The following CRYBG1 variants were observed in gnomAD, a reference collection of about 807,000 sequenced individuals.
The protein encoded by CRYBG1 is crystallin beta-gamma domain containing 1.
Under a neutral mutation model 189.2 loss-of-function variants are expected in CRYBG1, and 139 were observed. The ratio of observed to expected loss-of-function variants is 0.73; its 90% CI spans 0.64 to 0.85. The LOEUF is 0.85. Among genes scored for constraint, CRYBG1 ranks in the 40% least tolerant of loss-of-function variants. The probability of loss-of-function intolerance (pLI) is 0.00; values close to 1 mark genes in which losing one functional copy is unlikely to be tolerated. For missense variants in CRYBG1, 2,611 were observed against 2,675.8 expected, an observed-to-expected ratio of 0.98 and a Z score of 0.53; for synonymous variants, 1,023 against 1,017.1, an observed-to-expected ratio of 1.01 and a Z score of -0.11.
At chr6:106,413,950 A>G (rs1770977264) in intron 1 of CRYBG1, among the ~76,000 whole-genome samples, 1 of 152,210 alleles carries the variant, frequency 6.6e-6, no homozygotes, top group Non-Finnish European at 1.5e-5. Context: ...TCTCTGTCAT[A>G]TTACATTAAT....
rs1774973130 is a variant in CRYBG1, at chr6:106,568,789, T to G, written c.*223T>G. The G allele has an allele frequency of 2.3e-6, 1 of 438,058 alleles. No individual in the cohort carries two copies. The highest frequency in any genetic ancestry group is 2.0e-5 in the African/African-American group (1 of 51,048). 27.1% of individuals were successfully genotyped at this position (438,058 alleles called of 1,614,324 possible). A position where few individuals can be genotyped will look rare whatever the true frequency, so the allele number is the denominator to read the frequency against. The stretch of plus-strand genomic sequence containing the variant: ...ATTTGTCCTCCTTTCATTTCTTGCC[T>G]TTCATTTTTGGTAGCTGCTTAAACA... On this transcript the variant is annotated 3_prime_UTR_variant, in exon 22 of 22. Coordinates refer to ENST00000633556, the MANE Select transcript of CRYBG1 (RefSeq NM_001371242.2).
At chr6:106,401,511 G>T (rs1331299894) in intron 1 of CRYBG1, among the ~76,000 whole-genome samples, 1 of 125,968 alleles carries the variant, frequency 7.9e-6, no homozygotes. Flanking sequence ...ACCCACTAAC[G>T]TGTCATCTAG....
chr6:106,368,798 T>C (rs758992836), intron 1 of CRYBG1, among the ~76,000 whole-genome samples: 3 of 152,150 alleles, frequency 2.0e-5, no homozygotes, highest in African/African-American at 4.8e-5. Flanking sequence ...GTATATACTA[T>C]AGTGTGGTTA....
chr6:106,555,070 C>T (rs572230369), intron 16 of CRYBG1, among the ~76,000 whole-genome samples: 1 of 151,508 alleles, frequency 6.6e-6, no homozygotes, highest in Non-Finnish European at 1.5e-5. Flanking sequence ...GAGGATGAGG[C>T]AGAAGAATTG....
chr6:106,433,396 A>G (rs901858480), intron 1 of CRYBG1, among the ~76,000 whole-genome samples: 2 of 152,102 alleles, frequency 1.3e-5, no homozygotes, highest in African/African-American at 2.4e-5. Context: ...TGGTTTCCCT[A>G]TGCTTTGGGA....
At chr6:106,564,485 G>A (rs1774819925) in intron 21 of CRYBG1, among the ~76,000 whole-genome samples, 2 of 152,210 alleles carry the variant, frequency 1.3e-5, no homozygotes, top group South Asian at 4.1e-4. Flanking sequence ...AACTGATGGT[G>A]CTTGGGGGAG....
intron 2 of CRYBG1, among the ~76,000 whole-genome samples, chr6:106,491,977 G>T (rs1206843420): frequency 6.6e-6 from 1 of 152,000 alleles, no homozygotes; most frequent in Non-Finnish European, 1.5e-5. Context: ...GGTGTCATTT[G>T]GTTGCCTTTC....
intron 1 of CRYBG1, among the ~76,000 whole-genome samples, chr6:106,432,250 G>T (rs184063759): frequency 6.6e-6 from 1 of 152,294 alleles, no homozygotes. Flanking sequence ...AATGCTTTCT[G>T]CATGACTTTG....
intron 11 of CRYBG1, 43 bp from the exon 12 acceptor site, chr6:106,544,528 A>G: frequency 6.3e-7 from 1 of 1,598,336 alleles, no homozygotes; most frequent in Non-Finnish European, 8.5e-7. Flanking sequence ...AAAAATGTTA[A>G]CATGTCTGGA....
chr6:106,499,313 C>T (rs974313181), intron 2 of CRYBG1, among the ~76,000 whole-genome samples: 32 of 142,472 alleles, frequency 2.2e-4, no homozygotes, highest in East Asian at 2.0e-4. Flanking sequence ...CCACCACACC[C>T]GGCTAATTTT....
intron 1 of CRYBG1, among the ~76,000 whole-genome samples, chr6:106,368,393 T>C (rs1769942244): frequency 1.3e-5 from 2 of 152,176 alleles, no homozygotes; most frequent in South Asian, 4.1e-4. Context: ...CTGTGTCTGG[T>C]CAACATGAGA....
intron 2 of CRYBG1, among the ~76,000 whole-genome samples, chr6:106,481,213 A>T (rs1772446455): frequency 1.7e-5 from 1 of 60,158 alleles, no homozygotes; most frequent in South Asian, 4.1e-4. Context: ...TGACCTCGTG[A>T]TCCGCCCGCC....
chr6:106,377,649 T>TATATATA (rs1311795670), intron 1 of CRYBG1, among the ~76,000 whole-genome samples: 2 of 129,914 alleles, frequency 1.5e-5, no homozygotes, highest in African/African-American at 7.6e-5. Flanking sequence ...ATATATATAT[T>TATATATA]TTCATTTGCA....
At chr6:106,398,621 T>C (rs1770660637) in intron 1 of CRYBG1, among the ~76,000 whole-genome samples, 3 of 152,250 alleles carry the variant, frequency 2.0e-5, no homozygotes, top group African/African-American at 7.2e-5. Flanking sequence ...AGGCCTTTTT[T>C]CTGACCTCTA....
chr6:106,361,941 A>G (rs1582719734), intron 1 of CRYBG1, among the ~76,000 whole-genome samples: 1 of 92,484 alleles, frequency 1.1e-5, no homozygotes, highest in South Asian at 3.5e-4. Flanking sequence ...TGCATTTTAG[A>G]CATGGTTTTC....
At chr6:106,433,741 ATATG>A (rs1771390083) in intron 1 of CRYBG1, among the ~76,000 whole-genome samples, 1 of 34,884 alleles carries the variant, frequency 2.9e-5, no homozygotes, top group African/African-American at 1.9e-4. Flanking sequence ...ATATACATAT[ATATG>A]TATATATATA....
chr6:106,558,314 TTCTC>T (rs1774608522), intron 17 of CRYBG1, among the ~76,000 whole-genome samples, 168 bp from the exon 18 acceptor site: 1 of 152,188 alleles, frequency 6.6e-6, no homozygotes, highest in Admixed American at 6.5e-5. Flanking sequence ...CCTCTGTGCT[TTCTC>T]TCTAGCTTGG....
chr6:106,378,198 C>T (rs1316987646), intron 1 of CRYBG1, among the ~76,000 whole-genome samples: 1 of 152,178 alleles, frequency 6.6e-6, no homozygotes, highest in Non-Finnish European at 1.5e-5. Flanking sequence ...TGTGGTCTTC[C>T]CACAGGTGAG....
chr6:106,453,390 A>G (rs1023183494), intron 2 of CRYBG1, among the ~76,000 whole-genome samples: 6 of 152,236 alleles, frequency 3.9e-5, no homozygotes, highest in African/African-American at 1.4e-4. Flanking sequence ...AAGATATTGA[A>G]TTTTAAAACC....
Sources: allele counts gnomAD v4.1 joint callset (sites outside exome capture counted in the v4.1 genomes callset), GRCh38; gene constraint gnomAD v4.1.1; transcripts MANE v1.5; gene names NCBI Gene and HGNC (gene_info 2026-07-23, HGNC 2026-07-21).